DIDO1: variants seen among roughly 807,000 people sequenced by gnomAD.
DIDO1 encodes death-inducer obliterator 1.
A neutral mutation model predicts 99.4 loss-of-function variants in DIDO1; 16 were observed. The ratio of observed to expected loss-of-function variants is 0.16; its 90% CI spans 0.11 to 0.24. The LOEUF (loss-of-function observed/expected upper bound fraction) is 0.24. Ranked by LOEUF, DIDO1 falls within the 10% of genes least tolerant of loss-of-function variation. DIDO1 has a pLI of 1.00. For synonymous variants in DIDO1, 1,366 were observed against 1,239.1 expected (o/e 1.10, Z -2.15); for missense variants, 2,996 against 3,014.0 (o/e 0.99, Z 0.14).
chr20:62,936,783 G>T (rs2065390808), intron 1 of DIDO1, among the ~76,000 whole-genome samples: 1 of 152,156 alleles, frequency 6.6e-6, no homozygotes, highest in African/African-American at 2.4e-5. Context: ...AGAATCGCTT[G>T]AACCCGGGAG....
intron 1 of DIDO1, among the ~76,000 whole-genome samples, chr20:62,919,768 T>A (rs897721156): frequency 6.6e-6 from 1 of 152,248 alleles, no homozygotes; most frequent in Non-Finnish European, 1.5e-5. Flanking sequence ...GCTCCCCATG[T>A]GAGCTTGCAA....
Position 62,911,415 on chromosome 20 carries a change from C to A in DIDO1, c.198G>T (p.Arg66Ser). Reference protein sequence around the residue: ...QLGLSLRRSGRQPKRTERVEQ... With the variant: ...QLGLSLRRSGSQPKRTERVEQ... ...CCACGCGCTCAGTGCGCTTGGGCTGCCTCCCACTGCGCCGCAGGGACAGGC... is the reference window on the plus strand; with the variant it reads ...CCACGCGCTCAGTGCGCTTGGGCTGACTCCCACTGCGCCGCAGGGACAGGC... The change falls in exon 3 of 16, where the codon AGG (arginine) becomes AGT (serine). Residue 66 changes from arginine to serine, a missense_variant. By Grantham distance (110) the Arg-to-Ser change is moderately radical. This residue lies in a region of DIDO1 where 388 missense variants were observed against 376.6 expected (regional missense o/e 1.03). Transcript: ENST00000395343. This position sits in a 1 kb window ranked among gnomAD's most constrained non-coding sequence, Gnocchi z 7.0. 6.2e-7 allele frequency: 1 copy of A among 1,611,148 alleles called. No homozygotes were observed. Among genetic ancestry groups the A allele is most frequent in the Non-Finnish European group, 8.5e-7 (1 of 1,178,414 alleles).
At chr20:62,883,241 T>C (rs73304531) in intron 15 of DIDO1, among the ~76,000 whole-genome samples, 6,948 of 152,094 alleles carry the variant, frequency 0.046, 541 homozygotes, top group African/African-American at 0.16. Context: ...TGTCTTTAAC[T>C]TAGGAGTTGC....
chr20:62,920,129 G>A (rs1293443755), intron 1 of DIDO1, among the ~76,000 whole-genome samples: 1 of 152,144 alleles, frequency 6.6e-6, no homozygotes, highest in Non-Finnish European at 1.5e-5. Flanking sequence ...CAATGCACAG[G>A]TTCTTATCCC....
At chr20:62,905,668 C>T in intron 6 of DIDO1, 3 of 1,593,780 alleles carry the variant, frequency 1.9e-6, no homozygotes, top group Non-Finnish European at 2.6e-6. Flanking sequence ...AGGTTTACAG[C>T]TTTGGAAAAC....
chr20:62,920,212 T>C (rs914458272), intron 1 of DIDO1, among the ~76,000 whole-genome samples: 23 of 152,290 alleles, frequency 1.5e-4, no homozygotes, highest in African/African-American at 5.1e-4. Flanking sequence ...TGGGGTGCGC[T>C]GCGGGAGGTC....
At chr20:62,887,275 A>G (rs1428631541) in intron 15 of DIDO1, 19 of 985,364 alleles carry the variant, frequency 1.9e-5, no homozygotes, top group Non-Finnish European at 9.6e-6. Flanking sequence ...TCAATACTGT[A>G]TTTGACTCTG....
chr20:62,880,316 TC>T lies in DIDO1; in HGVS notation c.5639del (p.Gly1880GlufsTer21). 1 of 1,612,810 alleles carries T rather than the reference TC, an allele frequency of 6.2e-7. No individual in the cohort carries two copies. Among genetic ancestry groups the T allele is most frequent in the Non-Finnish European group, 8.5e-7 (1 of 1,180,004 alleles). On this transcript the variant is annotated frameshift_variant, in exon 16 of 16. Transcript: ENST00000395343. LOFTEE classifies it low-confidence loss of function (END_TRUNC). Reference sequence around the variant, plus strand: ...ACTGGAAAGGCGCGCCGCCTCTGCTTCCCAGAAATGGGGCTTGCTCTGTCCC... The same window carrying T: ...ACTGGAAAGGCGCGCCGCCTCTGCTTCCAGAAATGGGGCTTGCTCTGTCCC... ...FEGTEQAPFL[G>X]SRGGAPFQFG... is the part of the protein sequence containing the mutation.
chr20:62,914,914 T>C (rs897930930), intron 1 of DIDO1, among the ~76,000 whole-genome samples: 1 of 152,264 alleles, frequency 6.6e-6, no homozygotes, highest in African/African-American at 2.4e-5. Flanking sequence ...TACTAATGTT[T>C]GTGACGTACT....
At chr20:62,917,146 C>T (rs917691730) in intron 1 of DIDO1, among the ~76,000 whole-genome samples, 1 of 152,130 alleles carries the variant, frequency 6.6e-6, no homozygotes, top group African/African-American at 2.4e-5. Context: ...TCCCACCTCA[C>T]CCTCCCCAGT....
chr20:62,880,643 G>C lies in DIDO1; in HGVS notation c.5313C>G (p.Phe1771Leu). The change falls in exon 16 of 16, where the codon TTC becomes TTG. Residue 1771 changes from phenylalanine to leucine, a missense_variant. By Grantham distance (22) the Phe-to-Leu change is conservative (BLOSUM62 0). Coordinates refer to ENST00000395343, the MANE Select transcript of DIDO1 (RefSeq NM_001193369.2). The part of the protein sequence containing the change: ...LGMSGLHGPN[F>L]PGPRGPAPPF... ...GAGGGGCTGGCCCCCTTGGTCCCGG[G>C]AAATTGGGGCCGTGAAGCCCTGACA... The C allele has an allele frequency of 7.4e-6, 12 of 1,612,864 alleles. No individual in the cohort carries two copies. The highest frequency in any genetic ancestry group is 1.0e-5 in the Non-Finnish European group (12 of 1,180,000).
chr20:62,886,045 CAG>C (rs2064292490), intron 15 of DIDO1, among the ~76,000 whole-genome samples: 1 of 152,236 alleles, frequency 6.6e-6, no homozygotes, highest in South Asian at 2.1e-4. Context: ...CGGGAAGGTG[CAG>C]AGACTGAGGC....
chr20:62,910,536 G>A (rs1330463433), intron 3 of DIDO1, among the ~76,000 whole-genome samples: 2 of 152,218 alleles, frequency 1.3e-5, no homozygotes, highest in African/African-American at 4.8e-5. Context: ...ACTGGGGTGG[G>A]GCGCTATTCA....
intron 6 of DIDO1, among the ~76,000 whole-genome samples, chr20:62,902,658 C>A (rs1002833251): frequency 6.6e-6 from 1 of 152,188 alleles, no homozygotes; most frequent in Non-Finnish European, 1.5e-5. Context: ...TCCTTGTGAA[C>A]GGTGTTCTCC....
Position 62,894,355 on chromosome 20 carries a change from T to TTG in DIDO1, c.2572+57_2572+58insCA, listed in dbSNP as rs2064468209. 6.3e-7 allele frequency: 1 copy of TTG among 1,594,038 alleles called. No homozygotes were observed. The highest frequency in any genetic ancestry group is 8.5e-7 in the Non-Finnish European group (1 of 1,171,540). On this transcript the variant is annotated intron_variant, in intron 11 of 15. Transcript: ENST00000395343. The surrounding 1 kb of genome is among the most constrained non-coding windows in gnomAD (Gnocchi z 4.4). Reference sequence around the variant, plus strand: ...GTTGCTTTTAGGAGGTTCAGTGATTTTTAACAAAATCAAGTTTAGTCTCAG... The same window carrying TTG: ...GTTGCTTTTAGGAGGTTCAGTGATTTTGTTAACAAAATCAAGTTTAGTCTCAG...
At chr20:62,921,919 CTA>C (rs1206216567) in intron 1 of DIDO1, among the ~76,000 whole-genome samples, 2 of 148,824 alleles carry the variant, frequency 1.3e-5, no homozygotes, top group African/African-American at 5.0e-5. Context: ...TATATATACA[CTA>C]TATATGTCCA....
At position 62,891,225 on chromosome 20, in the gene DIDO1, C is replaced by T; in HGVS notation, c.3346-70G>A. The T allele has an allele frequency of 1.9e-6, 3 of 1,597,968 alleles. No individual in the cohort carries two copies. In the Admixed American group the frequency reaches 5.1e-5, roughly 27 times the overall value. On this transcript the variant is annotated intron_variant, in intron 14 of 15. Transcript: ENST00000395343. ...AAGCATCACACGCCCAATTCACATCCTGCTTTCAACAGGAAACCTTGTCAG... is the reference window on the plus strand; with the variant it reads ...AAGCATCACACGCCCAATTCACATCTTGCTTTCAACAGGAAACCTTGTCAG...
At chr20:62,915,054 C>A (rs185515228) in intron 1 of DIDO1, among the ~76,000 whole-genome samples, 217 of 152,288 alleles carry the variant, frequency 1.4e-3, no homozygotes, top group African/African-American at 4.9e-3. Flanking sequence ...TGCCCCAAAG[C>A]CGACACTTCC....
intron 15 of DIDO1, among the ~76,000 whole-genome samples, chr20:62,884,171 G>A (rs940738569): frequency 2.6e-5 from 4 of 151,424 alleles, no homozygotes; most frequent in Non-Finnish European, 5.9e-5. Flanking sequence ...GGTGGACGAC[G>A]CGCACTGGGG....
Sources: allele counts gnomAD v4.1 joint callset (sites outside exome capture counted in the v4.1 genomes callset), GRCh38; gene constraint gnomAD v4.1.1; regional missense constraint gnomAD v4.1.1; non-coding constraint Gnocchi (gnomAD v3.1); transcripts MANE v1.5; gene names NCBI Gene and HGNC (gene_info 2026-07-23, HGNC 2026-07-21).